APBA2: variants seen among roughly 807,000 people sequenced by gnomAD.
APBA2 encodes the protein amyloid-beta A4 precursor protein-binding family A member 2.
APBA2 carries 30 observed loss-of-function variants against 75.0 expected under a neutral mutation model. The ratio of observed to expected loss-of-function variants is 0.40; its 90% CI spans 0.30 to 0.54. APBA2 has a LOEUF of 0.54. Among genes scored for constraint, APBA2 ranks in the 20% least tolerant of loss-of-function variants. APBA2 has a pLI of 0.49. For synonymous variants in APBA2, 444 were observed against 409.6 expected, an observed-to-expected ratio of 1.08 and a Z score of -1.01; for missense variants, 801 against 1,016.1, an observed-to-expected ratio of 0.79 and a Z score of 2.88.
At chr15:28,992,705 A>G (rs58088817) in intron 2 of APBA2, among the ~76,000 whole-genome samples, 20,956 of 152,158 alleles carry the variant, frequency 0.14, 2,173 homozygotes, top group East Asian at 0.27. Context: ...GGGGCTCAGG[A>G]AGGCCCTGCA....
intron 14 of APBA2, among the ~76,000 whole-genome samples, chr15:29,114,721 T>C (rs1161111769): frequency 6.7e-6 from 1 of 149,280 alleles, no homozygotes; most frequent in African/African-American, 2.5e-5. Context: ...CGTGGGTGTA[T>C]AGGGGTGCAT....
chr15:29,021,564 T>C (rs1297340342), intron 3 of APBA2, among the ~76,000 whole-genome samples: 1 of 152,102 alleles, frequency 6.6e-6, no homozygotes, highest in Non-Finnish European at 1.5e-5. Flanking sequence ...CATGAAACCA[T>C]TGCCACAGCG....
chr15:28,915,077 C>CCCCATGTAT (rs2033607276), intron 1 of APBA2, among the ~76,000 whole-genome samples: 5 of 75,058 alleles, frequency 6.7e-5, no homozygotes, highest in Non-Finnish European at 5.6e-5. Flanking sequence ...ACCCCATATA[C>CCCCATGTAT]ACCACACACC....
At chr15:29,010,696 C>G (rs2039360377) in intron 3 of APBA2, among the ~76,000 whole-genome samples, 1 of 152,122 alleles carries the variant, frequency 6.6e-6, no homozygotes, top group African/African-American at 2.4e-5. Context: ...AAGGTTAATG[C>G]TTTTTGTGCC....
At chr15:28,999,830 A>C (rs1182619312) in intron 3 of APBA2, among the ~76,000 whole-genome samples, 1 of 152,180 alleles carries the variant, frequency 6.6e-6, no homozygotes, top group African/African-American at 2.4e-5. Context: ...GGGAAGTCTC[A>C]CAATCTGCCA....
intron 2 of APBA2, among the ~76,000 whole-genome samples, chr15:28,981,660 T>A (rs2037629353): frequency 6.6e-6 from 1 of 152,188 alleles, no homozygotes; most frequent in African/African-American, 2.4e-5. Flanking sequence ...CCTCAGTATA[T>A]TTCCAAAAGA....
chr15:29,057,882 C>T (rs1172969999), intron 4 of APBA2, among the ~76,000 whole-genome samples: 1 of 152,146 alleles, frequency 6.6e-6, no homozygotes, highest in Non-Finnish European at 1.5e-5. Context: ...GACCATTTCC[C>T]CTCGATGACC....
At chr15:28,935,855 T>C (rs2034835483) in intron 2 of APBA2, among the ~76,000 whole-genome samples, 1 of 152,258 alleles carries the variant, frequency 6.6e-6, no homozygotes, top group Non-Finnish European at 1.5e-5. Context: ...CTTTAGTTCA[T>C]GTTCTTTAAC....
chr15:28,925,754 T>G (rs1305144487), intron 2 of APBA2, among the ~76,000 whole-genome samples: 2 of 152,184 alleles, frequency 1.3e-5, no homozygotes, highest in Non-Finnish European at 2.9e-5. Flanking sequence ...TTCTATCAAT[T>G]ACTGACAGGT....
intron 2 of APBA2, among the ~76,000 whole-genome samples, chr15:28,930,553 C>T (rs1253600602): frequency 2.6e-5 from 4 of 152,124 alleles, no homozygotes; most frequent in African/African-American, 7.2e-5. Flanking sequence ...GTCTTGGAGC[C>T]GGCTGGGGAG....
At chr15:28,917,082 A>G (rs923733890) in intron 1 of APBA2, among the ~76,000 whole-genome samples, 1,975 of 152,304 alleles carry the variant, frequency 0.013, 38 homozygotes, top group African/African-American at 0.045. Flanking sequence ...CTCTGAGGCC[A>G]TGAGGTGGGA....
intron 1 of APBA2, among the ~76,000 whole-genome samples, chr15:28,905,089 C>G (rs1463548237): frequency 3.9e-5 from 6 of 152,318 alleles, no homozygotes; most frequent in Non-Finnish European, 7.4e-5. Flanking sequence ...TGGGACTGCA[C>G]AGGTGCCTGG....
At chr15:28,951,835 C>A (rs1445357796) in intron 2 of APBA2, among the ~76,000 whole-genome samples, 1 of 145,100 alleles carries the variant, frequency 6.9e-6, no homozygotes, top group Non-Finnish European at 1.5e-5. Context: ...TCCGCCTTGG[C>A]CTCCCAAAGT....
intron 4 of APBA2, among the ~76,000 whole-genome samples, chr15:29,068,675 G>A (rs531156932): frequency 6.6e-6 from 1 of 152,164 alleles, no homozygotes; most frequent in East Asian, 1.9e-4. Flanking sequence ...TCTGCTGCCT[G>A]GATGACCCAC....
At chr15:28,931,570 G>C (rs2152688868) in intron 2 of APBA2, among the ~76,000 whole-genome samples, 1 of 152,248 alleles carries the variant, frequency 6.6e-6, no homozygotes, top group East Asian at 1.9e-4. Flanking sequence ...GCTCCATAGG[G>C]TCCAGCCGGG....
chr15:29,114,095 C>G, intron 14 of APBA2, 79 bp downstream of exon 14: 3 of 1,594,664 alleles, frequency 1.9e-6, no homozygotes, highest in Non-Finnish European at 2.6e-6. Flanking sequence ...CTCCCCCGCT[C>G]CAGAGGACAC....
chr15:29,018,172 T>TA (rs1175062410), intron 3 of APBA2, among the ~76,000 whole-genome samples: 1 of 152,224 alleles, frequency 6.6e-6, no homozygotes, highest in African/African-American at 2.4e-5. Flanking sequence ...GGTTGATAAA[T>TA]AAAGATATTG....
At chr15:29,002,785 G>A (rs1566894638) in intron 3 of APBA2, among the ~76,000 whole-genome samples, 1 of 152,162 alleles carries the variant, frequency 6.6e-6, no homozygotes, top group Non-Finnish European at 1.5e-5. Flanking sequence ...GCCACTGCAG[G>A]AAAGGGTGGC....
chr15:28,951,391 C>T (rs1362918773), intron 2 of APBA2, among the ~76,000 whole-genome samples: 3 of 152,094 alleles, frequency 2.0e-5, no homozygotes, highest in Non-Finnish European at 2.9e-5. Flanking sequence ...TTTTCCTACC[C>T]AGTCCTGGAC....
Sources: gnomAD v4.1 joint callset for allele counts (sites outside exome capture counted in the v4.1 genomes callset) on GRCh38, gnomAD v4.1.1 for gene constraint, MANE v1.5 for transcripts, NCBI Gene and HGNC (gene_info 2026-07-23, HGNC 2026-07-21) for gene names.